The following SREBF1 variants were observed in gnomAD, a reference collection of about 807,000 sequenced individuals.
The protein encoded by SREBF1 is sterol regulatory element-binding protein 1.
A neutral mutation model predicts 100.1 loss-of-function variants in SREBF1; 45 were observed. The observed-to-expected ratio is 0.45, with a 90% confidence interval of 0.35 to 0.58. SREBF1 has a LOEUF of 0.58. SREBF1 is among the 20% of genes least tolerant of loss of function. The pLI is 0.00. For missense variants in SREBF1, 1,324 were observed against 1,539.4 expected (o/e 0.86, Z 2.34); for synonymous variants, 657 against 681.8 (o/e 0.96, Z 0.57).
In SREBF1 at chr17:17,820,324, G is replaced by A; in HGVS notation, c.289C>T (p.Leu97=). The A allele has an allele frequency of 6.2e-7, 1 of 1,613,760 alleles. No individual in the cohort carries two copies. Residue 97 remains leucine (L), a synonymous_variant, in exon 2 of 19, where the codon CTG becomes TTG. Transcript: ENST00000261646. ...LSGPQAAPSP[L]SPPQPAPTPL... ...GTGGGTGCAGGCTGGGGAGGGGACAGGGGTGAGGGCGCTGCCTGCGGCCCG... is the reference window on the plus strand; with the variant it reads ...GTGGGTGCAGGCTGGGGAGGGGACAAGGGTGAGGGCGCTGCCTGCGGCCCG...
chr17:17,815,817 G>A (rs1477608683), intron 12 of SREBF1, 43 bp downstream of exon 12: 5 of 1,583,684 alleles, frequency 3.2e-6, no homozygotes, highest in Non-Finnish European at 4.3e-6. Context: ...CAGGAATGAG[G>A]ATGAGGGACA....
In SREBF1 at chr17:17,819,818, G is replaced by A. The variant is rs374206129; in HGVS notation, c.524-93C>T. On this transcript the variant is annotated intron_variant, in intron 2 of 18. Transcript: ENST00000261646. ...TCTCTATCACCGACTGGCCTTGGATGAGTCATTGCCCCATGTGGCTTCCTA... is the reference window on the plus strand; with the variant it reads ...TCTCTATCACCGACTGGCCTTGGATAAGTCATTGCCCCATGTGGCTTCCTA... 13 of 1,450,866 alleles carry A rather than the reference G, an allele frequency of 9.0e-6. No individual in the cohort carries two copies. The East Asian group carries it at 1.7e-4, about 19-fold the overall frequency. 89.9% of individuals were successfully genotyped at this position (1,450,866 alleles called of 1,614,324 possible).
Position 17,812,530 on chromosome 17 carries a change from TGCCTTCG to T in SREBF1, c.*85_*91del, listed in dbSNP as rs1355923876. 7.5e-7 allele frequency: 1 copy of T among 1,333,396 alleles called. No individual in the cohort carries two copies. The highest frequency in any genetic ancestry group is 1.5e-5 in the African/African-American group (1 of 68,270). The allele number at this position is 1,333,396 out of a possible 1,614,324, so 82.6% of individuals were successfully genotyped here. A position where few individuals can be genotyped will look rare whatever the true frequency, so the allele number is the denominator to read the frequency against. On this transcript the variant is annotated 3_prime_UTR_variant, in exon 19 of 19. Coordinates refer to ENST00000261646, the MANE Select transcript of SREBF1 (RefSeq NM_004176.5). Reference sequence around the variant, plus strand: ...CTGTGGAGGCCAGAGTCTCTTGCACTGCCTTCGGCCTTCAAAGCTTCGACGCAGGACA... The same window carrying T: ...CTGTGGAGGCCAGAGTCTCTTGCACTGCCTTCAAAGCTTCGACGCAGGACA...
intron 1 of SREBF1, among the ~76,000 whole-genome samples, chr17:17,832,499 T>C (rs961243075): frequency 1.3e-5 from 2 of 152,142 alleles, no homozygotes; most frequent in Non-Finnish European, 1.5e-5. Flanking sequence ...CCCCCAAATC[T>C]TCAGACCTTA....
chr17:17,817,525 G>C lies in SREBF1; in HGVS notation c.1405-68C>G, dbSNP rs771244150. 1.3e-5 allele frequency: 20 copies of C among 1,539,892 alleles called. No homozygotes were observed. Among genetic ancestry groups the C allele is most frequent in the Admixed American group, 7.8e-5 (4 of 51,294 alleles). ...CCCCAGAGAGCATGGGGCTGGGAAG[G>C]GGGGGGTCAGGATTCTGCCCACCTT... On this transcript the variant is annotated intron_variant, in intron 7 of 18. Coordinates refer to ENST00000261646, the MANE Select transcript of SREBF1 (RefSeq NM_004176.5). This position sits in a 1 kb window ranked among gnomAD's most constrained non-coding sequence, Gnocchi z 6.6.
At chr17:17,834,025 C>G (rs1193156927) in intron 1 of SREBF1, among the ~76,000 whole-genome samples, 3 of 147,510 alleles carry the variant, frequency 2.0e-5, no homozygotes, top group Admixed American at 6.7e-5. Flanking sequence ...CATATAAACA[C>G]ACAGAGAGAG....
Position 17,836,833 on chromosome 17 carries a change from T to C in SREBF1, c.-16A>G. ...GCTCGTCCATGGCGCAGCCGCCTCC[T>C]CCGGGAGGCCCGCCGGGCCCGCCGC... On this transcript the variant is annotated 5_prime_UTR_variant, in exon 1 of 19. Coordinates refer to ENST00000261646, the MANE Select transcript of SREBF1 (RefSeq NM_004176.5). The C allele has an allele frequency of 1.3e-6, 2 of 1,497,792 alleles. No homozygotes were observed. Among genetic ancestry groups the C allele is most frequent in the Non-Finnish European group, 1.8e-6 (2 of 1,125,142 alleles). 92.8% of individuals were successfully genotyped at this position (1,497,792 alleles called of 1,614,324 possible).
At chr17:17,813,810 C>T in intron 16 of SREBF1, 41 bp from the exon 17 acceptor site, 4 of 1,529,984 alleles carry the variant, frequency 2.6e-6, no homozygotes, top group South Asian at 1.2e-5. Flanking sequence ...AGGGCTCCAG[C>T]TCTGGGAGGG....
In SREBF1 at chr17:17,812,025, C is replaced by T. The variant is rs1188622657; in HGVS notation, c.*597G>A. On this transcript the variant is annotated 3_prime_UTR_variant, in exon 19 of 19. Coordinates refer to ENST00000261646, the MANE Select transcript of SREBF1 (RefSeq NM_004176.5). ...TTTCCCTAGGTGCTGGGGGAGGGCC[C>T]AAGCACTCTCACTAGTCAGCACATC... The T allele has an allele frequency of 4.6e-6, 2 of 437,918 alleles. No individual in the cohort carries two copies. The highest frequency in any genetic ancestry group is 9.0e-6 in the Non-Finnish European group (2 of 221,822). The allele number at this position is 437,918 out of a possible 1,614,324, so 27.1% of individuals were successfully genotyped here.
chr17:17,816,861 C>G, intron 9 of SREBF1, 97 bp downstream of exon 9: 1 of 1,595,898 alleles, frequency 6.3e-7, no homozygotes, highest in Non-Finnish European at 8.5e-7. Flanking sequence ...GGGACAGATT[C>G]ATGGTGTGCA....
intron 1 of SREBF1, among the ~76,000 whole-genome samples, chr17:17,821,858 A>G (rs2034127206): frequency 1.3e-5 from 2 of 152,226 alleles, no homozygotes; most frequent in Admixed American, 6.5e-5. Context: ...GTCTGGTCCA[A>G]AAGCCAGGCC....
chr17:17,819,266 CATGTGT>C, intron 4 of SREBF1, 32 bp from the exon 5 acceptor site: 7 of 1,613,216 alleles, frequency 4.3e-6, no homozygotes, highest in Middle Eastern at 3.3e-4. Flanking sequence ...ACCAGGTGGG[CATGTGT>C]GTGTGTGTGT....
chr17:17,813,892 C>G (rs1219101129), intron 16 of SREBF1, 123 bp from the exon 17 acceptor site: 1 of 1,039,012 alleles, frequency 9.6e-7, no homozygotes, highest in Admixed American at 2.2e-5. Context: ...CCGCCTCACA[C>G]ACGTGCAATG....
At chr17:17,823,761 G>T in intron 1 of SREBF1, 1 of 204,552 alleles carries the variant, frequency 4.9e-6, no homozygotes, top group Non-Finnish European at 8.5e-6. Flanking sequence ...GGGTGAGCGC[G>T]CGCGGCCAAT....
At chr17:17,823,504 G>T in intron 1 of SREBF1, 1 of 1,592,960 alleles carries the variant, frequency 6.3e-7, no homozygotes, top group Non-Finnish European at 8.6e-7. Context: ...TGGTGGGGAG[G>T]CCTCCAAAAA....
At position 17,817,936 on chromosome 17, in the gene SREBF1, G is replaced by C; in HGVS notation, c.1184-20C>G. 1 of 1,598,948 alleles carries C rather than the reference G, an allele frequency of 6.3e-7. No individual in the cohort carries two copies. The highest frequency in any genetic ancestry group is 1.1e-5 in the South Asian group (1 of 91,066). On this transcript the variant is annotated intron_variant, in intron 6 of 18. Transcript: ENST00000261646. This position sits in a 1 kb window ranked among gnomAD's most constrained non-coding sequence, Gnocchi z 6.6. ...GAGATTCTGTGGGCCGAAAGGAACA[G>C]AGCCAGGAGTAAAGGCTGGATATGT...
At chr17:17,819,802 C>A in intron 2 of SREBF1, 77 bp from the exon 3 acceptor site, 1 of 1,487,012 alleles carries the variant, frequency 6.7e-7, no homozygotes, top group African/African-American at 1.4e-5. Context: ...GTCTCTATCA[C>A]CGACTGGCCT....
intron 1 of SREBF1, among the ~76,000 whole-genome samples, chr17:17,833,462 TATATATATATATAC>T (rs1377546106): frequency 2.4e-5 from 3 of 125,352 alleles, no homozygotes; most frequent in African/African-American, 9.6e-5. Context: ...TATATATATA[TATATATATATATAC>T]ACACACACAT....
Position 17,816,196 on chromosome 17 carries a change from A to ACCCCCCCCCCCCCCCCCCCCCCCCCCCC in SREBF1, c.2214+10_2214+11insGGGGGGGGGGGGGGGGGGGGGGGGGGGG. 9.3e-7 allele frequency: 1 copy of ACCCCCCCCCCCCCCCCCCCCCCCCCCCC among 1,077,040 alleles called. No individual in the cohort carries two copies. The highest frequency in any genetic ancestry group is 1.2e-6 in the Non-Finnish European group (1 of 839,676). 66.7% of individuals were successfully genotyped at this position (1,077,040 alleles called of 1,614,324 possible). ...TGCAGGGATAAGCCCCCAGCCCCCC[A>ACCCCCCCCCCCCCCCCCCCCCCCCCCCC]ACCCACTCACTGTCAGAAAATGCAA... On this transcript the variant is annotated intron_variant, in intron 11 of 18. Transcript: ENST00000261646.
Sources: allele counts gnomAD v4.1 joint callset (sites outside exome capture counted in the v4.1 genomes callset), GRCh38; gene constraint gnomAD v4.1.1; non-coding constraint Gnocchi (gnomAD v3.1); transcripts MANE v1.5; gene names NCBI Gene and HGNC (gene_info 2026-07-23, HGNC 2026-07-21).